Variants in SNAPC4 observed in about 807,000 individuals in gnomAD.
SNAPC4 encodes the protein small nuclear RNA activating complex polypeptide 4.
SNAPC4 carries 127 observed loss-of-function variants against 151.3 expected under a neutral mutation model. That is an observed-to-expected ratio of 0.84 (90% CI 0.73 to 0.97). The LOEUF is 0.97. SNAPC4 is among the 50% of genes least tolerant of loss of function. The pLI is 0.00. For missense variants in SNAPC4, 2,186 were observed against 1,935.0 expected, an observed-to-expected ratio of 1.13 and a Z score of -2.43; for synonymous variants, 1,002 against 824.4, an observed-to-expected ratio of 1.22 and a Z score of -3.69.
rs866262053 is a variant in SNAPC4 at position 136,385,560 on chromosome 9, C to G, written c.1326-746G>C. 8.2e-5 allele frequency among the ~76,000 whole-genome samples: 11 copies of G among 134,708 alleles called. No individual in the cohort carries two copies. In the South Asian group the frequency reaches 9.0e-4, roughly 11 times the overall value. The allele number at this position is 134,708 out of a possible 152,430, so 88.4% of individuals were successfully genotyped here. A position where few individuals can be genotyped will look rare whatever the true frequency, so the allele number is the denominator to read the frequency against. On this transcript the variant is annotated intron_variant, in intron 13 of 23. Coordinates refer to ENST00000684778, the MANE Select transcript of SNAPC4 (RefSeq NM_003086.4). ...ATTTATATGAGAATCCCACTCCCCC[C>G]CCTTTTGTTTTTTTTGAGACGGAGG...
intron 14 of SNAPC4, 104 bp from the exon 15 acceptor site, chr9:136,384,136 C>A: frequency 3.4e-6 from 3 of 883,168 alleles, no homozygotes; most frequent in South Asian, 1.7e-5. Context: ...CAGAGTGGAG[C>A]CTCCTGTGCA....
At position 136,384,739 on chromosome 9, in the gene SNAPC4, TAATTC is replaced by T; in HGVS notation, c.1396_1400del (p.Glu466AsnfsTer15). ...ACTTACCGACACCATATTTTTCTAT[TAATTC>T]AATTAACTGTTCCTCTTCTTTTAAA... On this transcript the variant is annotated frameshift_variant, in exon 14 of 24. Transcript: ENST00000684778. LOFTEE classifies it high-confidence loss of function. 3.2e-6 allele frequency: 5 copies of T among 1,549,934 alleles called. No individual in the cohort carries two copies. Among genetic ancestry groups the T allele is most frequent in the Non-Finnish European group, 4.4e-6 (5 of 1,131,556 alleles).
At chr9:136,393,453 C>A (rs1462317677) in intron 7 of SNAPC4, among the ~76,000 whole-genome samples, 1 of 152,030 alleles carries the variant, frequency 6.6e-6, no homozygotes, top group Non-Finnish European at 1.5e-5. Flanking sequence ...GCTCTGGGAG[C>A]AGCTCTGTCT....
intron 22 of SNAPC4, among the ~76,000 whole-genome samples, chr9:136,376,789 G>A (rs1194545233): frequency 6.6e-6 from 1 of 152,200 alleles, no homozygotes; most frequent in Non-Finnish European, 1.5e-5. Context: ...CTCTTCCCCT[G>A]GCTGGCCGGG....
intron 16 of SNAPC4, among the ~76,000 whole-genome samples, chr9:136,382,878 A>G (rs1833749613): frequency 6.6e-6 from 1 of 152,104 alleles, no homozygotes; most frequent in South Asian, 2.1e-4. Context: ...ACGAGGAGGG[A>G]GGAGGGGCTC....
intron 7 of SNAPC4, among the ~76,000 whole-genome samples, chr9:136,393,752 C>G (rs527245387): frequency 6.6e-6 from 1 of 152,386 alleles, no homozygotes; most frequent in South Asian, 2.1e-4. Flanking sequence ...TAGCCGCCCG[C>G]CCGGCCATGG....
intron 7 of SNAPC4, among the ~76,000 whole-genome samples, chr9:136,393,093 C>T (rs1834138159): frequency 6.6e-6 from 1 of 152,210 alleles, no homozygotes; most frequent in Non-Finnish European, 1.5e-5. Context: ...GAGACACAGC[C>T]GTAGGCAGAT....
chr9:136,387,409 C>T, intron 13 of SNAPC4, 76 bp downstream of exon 13: 1 of 1,091,366 alleles, frequency 9.2e-7, no homozygotes, highest in Non-Finnish European at 1.4e-6. Flanking sequence ...CCCCAGCCCG[C>T]CCACAGCCCA....
At chr9:136,395,454 A>G (rs1455277320) in intron 4 of SNAPC4, 31 bp from the exon 5 acceptor site, 1 of 1,605,254 alleles carries the variant, frequency 6.2e-7, no homozygotes, top group Non-Finnish European at 8.5e-7. Flanking sequence ...GGACCCCTCT[A>G]TGGACCAGCA....
At chr9:136,394,545 CAAGACAA>C (rs935427366) in intron 6 of SNAPC4, among the ~76,000 whole-genome samples, 62 of 152,342 alleles carry the variant, frequency 4.1e-4, no homozygotes, top group African/African-American at 1.4e-3. Context: ...CTTTGCGGCC[CAAGACAA>C]GGGCGGGGAG....
At chr9:136,399,113 G>A (rs954314366) in intron 1 of SNAPC4, among the ~76,000 whole-genome samples, 3 of 152,242 alleles carry the variant, frequency 2.0e-5, no homozygotes, top group Admixed American at 6.5e-5. Flanking sequence ...GGACGCTAGA[G>A]AGAGAGTGGG....
chr9:136,377,859 G>A lies in SNAPC4; in HGVS notation c.3968C>T (p.Ala1323Val), dbSNP rs1044147062. The A allele has an allele frequency of 2.5e-6, 4 of 1,611,432 alleles. No individual in the cohort carries two copies. Among genetic ancestry groups the A allele is most frequent in the Middle Eastern group, 1.7e-4 (1 of 6,040 alleles). ...CAGGGAGGTGGCCTTGTGCTCCAGGGCCTTCTTGTGGAGTAGGAGACCGGA... is the reference window on the plus strand; with the variant it reads ...CAGGGAGGTGGCCTTGTGCTCCAGGACCTTCTTGTGGAGTAGGAGACCGGA... Reference protein sequence around the residue: ...ALSGLLLHKKALEHKATSLVV... With the variant: ...ALSGLLLHKKVLEHKATSLVV... The change falls in exon 22 of 24, where the codon GCC becomes GTC. Residue 1323 changes from alanine (A) to valine (V), a missense_variant. Coordinates refer to ENST00000684778, the MANE Select transcript of SNAPC4 (RefSeq NM_003086.4).
intron 3 of SNAPC4, 138 bp downstream of exon 3, chr9:136,396,839 T>A (rs1217521154): frequency 1.1e-5 from 8 of 753,004 alleles, no homozygotes; most frequent in Non-Finnish European, 1.9e-5. Context: ...TGCTTTTTAA[T>A]TTTTTTATAA....
At chr9:136,388,791 G>T (rs989926213) in intron 10 of SNAPC4, among the ~76,000 whole-genome samples, 200 bp from the exon 11 acceptor site, 16 of 152,182 alleles carry the variant, frequency 1.1e-4, no homozygotes, top group African/African-American at 4.8e-5. Context: ...CACTAAATAG[G>T]ACCAGGAAGG....
chr9:136,392,578 C>A lies in SNAPC4; in HGVS notation c.754G>T (p.Ala252Ser), dbSNP rs1221932467. The change falls in exon 9 of 24, where the codon GCC becomes TCC. Residue 252 changes from alanine to serine, a missense_variant. By Grantham distance (99) the Ala-to-Ser change is moderately conservative. Coordinates refer to ENST00000684778, the MANE Select transcript of SNAPC4 (RefSeq NM_003086.4). ...IQDINQLPEEALLGNRLDSHD... is the reference protein window; with the variant it reads ...IQDINQLPEESLLGNRLDSHD... ...CTGTCCAGCCTGTTTCCCAGCAAGG[C>A]CTCTTCTGGAAGCTGGCTGGTGGAA... is the stretch of plus-strand genomic sequence containing the variant. 1 of 1,613,910 alleles carries A rather than the reference C, an allele frequency of 6.2e-7. No individual in the cohort carries two copies. The highest frequency in any genetic ancestry group is 8.5e-7 in the Non-Finnish European group (1 of 1,180,028).
Position 136,398,297 on chromosome 9 carries a change from A to C in SNAPC4, c.130+2T>G. ...CCAGGAGGCTAGGTACAAGGGGCTT[A>C]CCTGCTTCAGAATCTGACTCGAGAC... On this transcript the variant is annotated splice_donor_variant, in intron 2 of 23. Transcript: ENST00000684778. LOFTEE classifies it high-confidence loss of function. 2.5e-6 allele frequency: 4 copies of C among 1,612,610 alleles called. No homozygotes were observed. Among genetic ancestry groups the C allele is most frequent in the Non-Finnish European group, 3.4e-6 (4 of 1,178,954 alleles).
intron 14 of SNAPC4, among the ~76,000 whole-genome samples, chr9:136,384,332 C>T (rs1439725656): frequency 6.6e-6 from 1 of 152,214 alleles, no homozygotes; most frequent in African/African-American, 2.4e-5. Flanking sequence ...CCACCTCCCA[C>T]GATTCCCGCT....
At chr9:136,399,399 C>A (rs11145890) in intron 1 of SNAPC4, among the ~76,000 whole-genome samples, 1 of 152,044 alleles carries the variant, frequency 6.6e-6, no homozygotes, top group African/African-American at 2.4e-5. Context: ...TAACAGCCGG[C>A]CAGAGGCAGA....
At chr9:136,400,161 GGGCGACTGCAGACTCGACGCTTCC>G (rs1172803627) in exon 1 of SNAPC4, 12 of 152,106 alleles carry the variant, frequency 7.9e-5, no homozygotes, top group African/African-American at 2.4e-4. Context: ...GCCGTCGCCC[GGGCGACTGCAGACTCGACGCTTCC>G]GGCGGCTGCA....
Sources: allele counts gnomAD v4.1 joint callset (sites outside exome capture counted in the v4.1 genomes callset), GRCh38; gene constraint gnomAD v4.1.1; transcripts MANE v1.5; gene names NCBI Gene and HGNC (gene_info 2026-07-23, HGNC 2026-07-21).